AKAP13: variants seen among roughly 807,000 people sequenced by gnomAD.
AKAP13 encodes the protein A-kinase anchor protein 13.
In AKAP13, 80 loss-of-function variants were observed where a neutral mutation model predicts 264.5. That is an observed-to-expected ratio of 0.30 (90% CI 0.25 to 0.36). The LOEUF is 0.36. Among genes scored for constraint, AKAP13 ranks in the 10% least tolerant of loss-of-function variants. The pLI is 1.00. For missense variants in AKAP13, 3,712 were observed against 3,435.2 expected (o/e 1.08, Z -2.01); for synonymous variants, 1,380 against 1,250.2 (o/e 1.10, Z -2.19).
At chr15:85,578,871 T>G in intron 6 of AKAP13, 59 bp from the exon 7 acceptor site, 1 of 1,536,486 alleles carries the variant, frequency 6.5e-7, no homozygotes, top group South Asian at 1.2e-5. Flanking sequence ...TGCTCAGAGG[T>G]GTCAGTGACA....
At chr15:85,432,548 AAGG>A (rs1416328696) in intron 1 of AKAP13, among the ~76,000 whole-genome samples, 1 of 152,184 alleles carries the variant, frequency 6.6e-6, no homozygotes, top group Non-Finnish European at 1.5e-5. Context: ...TAAAGTTTAC[AAGG>A]AGAATGTTAG....
chr15:85,725,853 G>A (rs1025767767), intron 26 of AKAP13, among the ~76,000 whole-genome samples: 3 of 152,204 alleles, frequency 2.0e-5, no homozygotes, highest in African/African-American at 7.2e-5. Flanking sequence ...ACATGTACCT[G>A]TAAGACTGGA....
chr15:85,605,609 A>G (rs1227300614), intron 8 of AKAP13, among the ~76,000 whole-genome samples: 1 of 152,226 alleles, frequency 6.6e-6, no homozygotes, highest in African/African-American at 2.4e-5. Context: ...CTCCCGAGTC[A>G]TGCACATGTA....
At chr15:85,556,035 A>G (rs917967872) in intron 5 of AKAP13, among the ~76,000 whole-genome samples, 3 of 152,182 alleles carry the variant, frequency 2.0e-5, no homozygotes, top group Non-Finnish European at 2.9e-5. Flanking sequence ...TTTTAGAGGT[A>G]GGTTTCGTTG....
intron 7 of AKAP13, among the ~76,000 whole-genome samples, chr15:85,582,672 G>GT (rs981856837): frequency 1.3e-4 from 19 of 150,896 alleles, no homozygotes; most frequent in South Asian, 4.2e-4. Flanking sequence ...GTTTGTTTTT[G>GT]TTTTTTTTGG....
At chr15:85,659,551 G>A (rs562893640) in intron 12 of AKAP13, among the ~76,000 whole-genome samples, 1 of 152,250 alleles carries the variant, frequency 6.6e-6, no homozygotes, top group Non-Finnish European at 1.5e-5. Context: ...CAGAAAATAA[G>A]TTGTTAAATA....
At chr15:85,582,396 A>G (rs79139849) in intron 7 of AKAP13, among the ~76,000 whole-genome samples, 59 of 152,310 alleles carry the variant, frequency 3.9e-4, no homozygotes, top group African/African-American at 1.1e-3. Flanking sequence ...CAATGCCTAG[A>G]TCACAGGTAC....
At chr15:85,429,895 T>C (rs895272497) in intron 1 of AKAP13, among the ~76,000 whole-genome samples, 3 of 152,174 alleles carry the variant, frequency 2.0e-5, no homozygotes, top group Non-Finnish European at 4.4e-5. Context: ...TCCCTTGCAT[T>C]TTCCCCTGCA....
At chr15:85,553,088 T>G (rs2078019654) in intron 5 of AKAP13, among the ~76,000 whole-genome samples, 1 of 145,388 alleles carries the variant, frequency 6.9e-6, no homozygotes. Flanking sequence ...GTAATTCTTT[T>G]TTTTTTTTTT....
chr15:85,721,329 C>T (rs1048635135), intron 23 of AKAP13, among the ~76,000 whole-genome samples: 2 of 152,216 alleles, frequency 1.3e-5, no homozygotes, highest in African/African-American at 4.8e-5. Context: ...TACCCTGATC[C>T]TTCTTTCCAG....
chr15:85,582,731 G>A (rs890609568), intron 7 of AKAP13, among the ~76,000 whole-genome samples: 1 of 151,892 alleles, frequency 6.6e-6, no homozygotes, highest in African/African-American at 2.4e-5. Flanking sequence ...TGCTTGGGGA[G>A]TGGACCTCTA....
rs149672418 is a variant in AKAP13 at position 85,527,243 on chromosome 15, G to A, written c.181+5668G>A. 4.7e-3 allele frequency among the ~76,000 whole-genome samples: 713 copies of A among 152,256 alleles called. 4 individuals are homozygous for A. Among genetic ancestry groups the A allele is most frequent in the African/African-American group, 0.016 (649 of 41,554 alleles). ...CTCCCACAGTGCTGGGATTACAAGC[G>A]TGAGCCACCGCACCCGGCCCTGTTG... On this transcript the variant is annotated intron_variant, in intron 3 of 36. Transcript: ENST00000394518.
chr15:85,741,357 C>G lies in AKAP13; in HGVS notation c.7920C>G (p.Leu2640=). The G allele has an allele frequency of 6.2e-7, 1 of 1,613,966 alleles. No individual in the cohort carries two copies. The highest frequency in any genetic ancestry group is 1.1e-5 in the South Asian group (1 of 91,054). The change falls in exon 35 of 37, where the codon CTC becomes CTG. Residue 2640 remains leucine, a synonymous_variant. Coordinates refer to ENST00000394518, the MANE Select transcript of AKAP13 (RefSeq NM_007200.5). ...ACCTGGAAAAGGAGCGGGAGGAGCT[C>G]CAGCAGAAGAAGGGCACATACCAGT... The part of the protein sequence containing the change: ...QQDLEKEREE[L]QQKKGTYQYD...
At position 85,735,992 on chromosome 15, in the gene AKAP13, T is replaced by C. The variant is rs556205553; in HGVS notation, c.7513-98T>C. 38 of 971,556 alleles carry C rather than the reference T, an allele frequency of 3.9e-5. No individual in the cohort carries two copies. In the South Asian group the frequency reaches 4.7e-4, roughly 12 times the overall value. 60.2% of individuals were successfully genotyped at this position (971,556 alleles called of 1,614,324 possible). A position where few individuals can be genotyped will look rare whatever the true frequency, so the allele number is the denominator to read the frequency against. Reference sequence around the variant, plus strand: ...TCACTACCTTAGTGAGAGGCTGTGGTAGAAAATGGAAAGCTACAGCCTAAC... The same window carrying C: ...TCACTACCTTAGTGAGAGGCTGTGGCAGAAAATGGAAAGCTACAGCCTAAC... On this transcript the variant is annotated intron_variant, in intron 32 of 36. Coordinates refer to ENST00000394518, the MANE Select transcript of AKAP13 (RefSeq NM_007200.5).
At chr15:85,691,966 TAC>T (rs1183375514) in intron 16 of AKAP13, 1 of 448,110 alleles carries the variant, frequency 2.2e-6, no homozygotes, top group African/African-American at 2.0e-5. Context: ...AGGAGTGAGC[TAC>T]TAAGCCTTGG....
At chr15:85,599,176 C>G (rs2079946330) in intron 8 of AKAP13, among the ~76,000 whole-genome samples, 1 of 152,192 alleles carries the variant, frequency 6.6e-6, no homozygotes, top group Non-Finnish European at 1.5e-5. Context: ...CTCTTTCCTC[C>G]TTGAGTGAGG....
In AKAP13 at chr15:85,743,670, T is replaced by TA; in HGVS notation, c.8238dup (p.Leu2747ThrfsTer52). ...CACAAAGATAAGGGGCCTTTTCACA[T>TA]ACTGAGTTCAACCAGCCAGACAAAC... On this transcript the variant is annotated frameshift_variant, in exon 36 of 37. Coordinates refer to ENST00000394518, the MANE Select transcript of AKAP13 (RefSeq NM_007200.5). LOFTEE classifies it high-confidence loss of function. 6.2e-7 allele frequency: 1 copy of TA among 1,614,008 alleles called. No individual in the cohort carries two copies. Among genetic ancestry groups the TA allele is most frequent in the Non-Finnish European group, 8.5e-7 (1 of 1,180,006 alleles).
intron 1 of AKAP13, among the ~76,000 whole-genome samples, chr15:85,442,497 AT>A (rs2073722871): frequency 9.3e-6 from 1 of 107,572 alleles, no homozygotes; most frequent in Non-Finnish European, 1.9e-5. Flanking sequence ...TATAATATAT[AT>A]TATATTATAT....
intron 7 of AKAP13, chr15:85,583,242 G>A (rs563772447): frequency 5.7e-5 from 52 of 920,100 alleles, no homozygotes; most frequent in Non-Finnish European, 5.6e-5. Context: ...TTACACATAT[G>A]TATTAAGAAT....
Sources: gnomAD v4.1 joint callset for allele counts (sites outside exome capture counted in the v4.1 genomes callset) on GRCh38, gnomAD v4.1.1 for gene constraint, MANE v1.5 for transcripts, NCBI Gene and HGNC (gene_info 2026-07-23, HGNC 2026-07-21) for gene names.